DPP10: variants seen among roughly 807,000 people sequenced by gnomAD.
The protein encoded by DPP10 is dipeptidyl peptidase like 10.
Under a neutral mutation model 120.9 loss-of-function variants are expected in DPP10, and 33 were observed. The observed-to-expected ratio is 0.27, with a 90% CI of 0.21 to 0.37. The LOEUF (loss-of-function observed/expected upper bound fraction) is 0.37. Ranked by LOEUF, DPP10 falls within the 10% of genes least tolerant of loss-of-function variation. DPP10 has a pLI of 1.00. For synonymous variants in DPP10, 337 were observed against 326.1 expected, an observed-to-expected ratio of 1.03 and a Z score of -0.36; for missense variants, 816 against 942.8, an observed-to-expected ratio of 0.87 and a Z score of 1.76.
chr2:115,682,007 A>G (rs868391380), intron 5 of DPP10, among the ~76,000 whole-genome samples: 4 of 151,920 alleles, frequency 2.6e-5, no homozygotes, highest in Non-Finnish European at 4.4e-5. Context: ...TGTTGAAACA[A>G]TAATTTTCAT....
intron 1 of DPP10, among the ~76,000 whole-genome samples, chr2:114,846,877 G>T (rs1478644201): frequency 6.6e-6 from 1 of 152,026 alleles, no homozygotes; most frequent in African/African-American, 2.4e-5. Context: ...CAGATATTTG[G>T]GTGTGATAGT....
chr2:115,557,535 C>A (rs1382618138), intron 5 of DPP10, among the ~76,000 whole-genome samples: 1 of 152,192 alleles, frequency 6.6e-6, no homozygotes, highest in Admixed American at 6.5e-5. Flanking sequence ...TTAACCCTGT[C>A]TTCTTGTGAC....
At chr2:115,518,853 C>A (rs2077644328) in intron 4 of DPP10, among the ~76,000 whole-genome samples, 1 of 151,970 alleles carries the variant, frequency 6.6e-6, no homozygotes. Context: ...TTAGGACTTC[C>A]ATAGCTTTTA....
intron 1 of DPP10, among the ~76,000 whole-genome samples, chr2:115,198,406 G>A (rs113106631): frequency 1.3e-5 from 2 of 152,180 alleles, no homozygotes; most frequent in African/African-American, 4.8e-5. Flanking sequence ...TGGCATGTGT[G>A]TGTGTAGTAG....
At chr2:115,731,217 G>T (rs1361611116) in intron 8 of DPP10, among the ~76,000 whole-genome samples, 2 of 152,096 alleles carry the variant, frequency 1.3e-5, no homozygotes, top group Non-Finnish European at 2.9e-5. Flanking sequence ...AATTAGCTGG[G>T]CATGCTGGTG....
In DPP10 at chr2:114,726,763, T is replaced by C. The variant is rs977563235; in HGVS notation, c.60+283925T>C. Among the ~76,000 whole-genome samples the C allele has an allele frequency of 3.9e-5, 6 of 152,336 alleles. No homozygotes were observed. In the East Asian group the frequency reaches 7.7e-4, roughly 20 times the overall value. On this transcript the variant is annotated intron_variant, in intron 1 of 25. Transcript: ENST00000410059. ...GCCCTTTAAGCAGGCCACCTGTAGT[T>C]TGAATTGTGCAGGAAAAAGAAAATT...
At chr2:114,748,406 T>A (rs1323206695) in intron 1 of DPP10, among the ~76,000 whole-genome samples, 1 of 120,930 alleles carries the variant, frequency 8.3e-6, no homozygotes, top group Non-Finnish European at 1.7e-5. Context: ...TTATTTTAAA[T>A]TTTTTTTTTA....
rs192029154 is a variant in DPP10 at position 115,211,688 on chromosome 2, A to G, written c.61-97551A>G. 1.5e-3 allele frequency among the ~76,000 whole-genome samples: 225 copies of G among 152,222 alleles called. 2 individuals are homozygous for G. Among genetic ancestry groups the G allele is most frequent in the African/African-American group, 5.2e-3 (218 of 41,550 alleles). On this transcript the variant is annotated intron_variant, in intron 1 of 25. Coordinates refer to ENST00000410059, the MANE Select transcript of DPP10 (RefSeq NM_020868.6). ...ACGGTCCTTTTTTATTGACAGAAGC[A>G]ATAACAATTAATACAACTTCAGTGC...
At chr2:114,498,150 C>T (rs542471606) in intron 1 of DPP10, among the ~76,000 whole-genome samples, 196 of 152,220 alleles carry the variant, frequency 1.3e-3, no homozygotes, top group African/African-American at 4.4e-3. Flanking sequence ...TCCATCACTC[C>T]AACTACCTAT....
intron 1 of DPP10, among the ~76,000 whole-genome samples, chr2:114,709,626 C>T (rs1700898878): frequency 6.6e-6 from 1 of 151,960 alleles, no homozygotes; most frequent in Non-Finnish European, 1.5e-5. Flanking sequence ...TCCCCTTTGC[C>T]TTATGAAACT....
At chr2:114,550,021 T>C (rs1004748982) in intron 1 of DPP10, among the ~76,000 whole-genome samples, 2 of 152,178 alleles carry the variant, frequency 1.3e-5, no homozygotes, top group Non-Finnish European at 2.9e-5. Flanking sequence ...CCTTCATCCA[T>C]TTGTCACCTA....
chr2:115,014,104 C>CTGAG (rs1373681600), intron 1 of DPP10, among the ~76,000 whole-genome samples: 1 of 152,142 alleles, frequency 6.6e-6, no homozygotes, highest in Non-Finnish European at 1.5e-5. Context: ...GTAAAACATT[C>CTGAG]CTCAGCAAAT....
intron 3 of DPP10, among the ~76,000 whole-genome samples, chr2:115,477,227 C>T (rs1490028918): frequency 6.6e-6 from 1 of 152,066 alleles, no homozygotes; most frequent in African/African-American, 2.4e-5. Flanking sequence ...GGTAAAATTA[C>T]TTCTGTTTAC....
intron 21 of DPP10, among the ~76,000 whole-genome samples, chr2:115,823,508 G>A (rs1227134619): frequency 6.6e-6 from 1 of 152,078 alleles, no homozygotes; most frequent in Non-Finnish European, 1.5e-5. Context: ...CACCAAAGAA[G>A]GCATTAGAAC....
intron 1 of DPP10, among the ~76,000 whole-genome samples, chr2:115,237,583 C>T (rs1054035465): frequency 3.9e-5 from 6 of 152,058 alleles, no homozygotes; most frequent in African/African-American, 1.4e-4. Flanking sequence ...TGTCAATAGC[C>T]AAGACAGGCC....
intron 1 of DPP10, among the ~76,000 whole-genome samples, chr2:114,788,972 T>C (rs388581): frequency 0.48 from 72,215 of 151,912 alleles, 17,727 homozygotes; most frequent in African/African-American, 0.58. Context: ...TTCCATGGGA[T>C]GATGATATCA....
intron 1 of DPP10, among the ~76,000 whole-genome samples, chr2:115,149,106 T>C (rs757926181): frequency 6.6e-6 from 1 of 152,146 alleles, no homozygotes; most frequent in Non-Finnish European, 1.5e-5. Flanking sequence ...ATGGTGCCAA[T>C]TTACATGTTC....
At chr2:115,030,855 C>G (rs1033551003) in intron 1 of DPP10, among the ~76,000 whole-genome samples, 1 of 152,132 alleles carries the variant, frequency 6.6e-6, no homozygotes, top group African/African-American at 2.4e-5. Context: ...AACAGTGTGG[C>G]AGTTCCTCAA....
chr2:115,636,174 T>C (rs1390602844), intron 5 of DPP10, among the ~76,000 whole-genome samples: 2 of 149,066 alleles, frequency 1.3e-5, no homozygotes, highest in African/African-American at 4.9e-5. Flanking sequence ...AACAGACAAA[T>C]CTATGATGGT....
Sources: allele counts gnomAD v4.1 joint callset (sites outside exome capture counted in the v4.1 genomes callset), GRCh38; gene constraint gnomAD v4.1.1; transcripts MANE v1.5; gene names NCBI Gene and HGNC (gene_info 2026-07-23, HGNC 2026-07-21).